Variants in RIN3 observed in about 807,000 individuals in gnomAD.
The protein encoded by RIN3 is RAB5 interacting protein 3.
RIN3 carries 54 observed loss-of-function variants against 76.3 expected under a neutral mutation model. That is an observed-to-expected ratio of 0.71 (90% confidence interval 0.57 to 0.89). The LOEUF is 0.89. Ranked by LOEUF, RIN3 falls within the 40% of genes least tolerant of loss-of-function variation. The probability of loss-of-function intolerance (pLI) is 0.00; values close to 1 mark genes in which losing one functional copy is unlikely to be tolerated. For missense variants in RIN3, 1,256 were observed against 1,322.1 expected (o/e 0.95, Z 0.78); for synonymous variants, 576 against 564.0 (o/e 1.02, Z -0.30).
intron 7 of RIN3, among the ~76,000 whole-genome samples, chr14:92,672,650 A>ATG (rs1214989460): frequency 1.4e-5 from 2 of 145,798 alleles, no homozygotes; most frequent in Middle Eastern, 6.9e-3. Flanking sequence ...TTATATATAT[A>ATG]TGTGTGTGCA....
Position 92,513,993 on chromosome 14 carries a change from GC to G in RIN3, c.44+22del. 2 of 1,232,196 alleles carry G rather than the reference GC, an allele frequency of 1.6e-6. No individual in the cohort carries two copies. The highest frequency in any genetic ancestry group is 3.8e-5 in the South Asian group (1 of 26,136). The allele number at this position is 1,232,196 out of a possible 1,614,324, so 76.3% of individuals were successfully genotyped here. A position where few individuals can be genotyped will look rare whatever the true frequency, so the allele number is the denominator to read the frequency against. The stretch of plus-strand genomic sequence containing the variant: ...CCCCACGGGGTAAGTCCGGGCGGCC[GC>G]CCCCTCCTCCCTCGCGATCCCCACG... On this transcript the variant is annotated intron_variant, in intron 1 of 9. Coordinates refer to ENST00000216487, the MANE Select transcript of RIN3 (RefSeq NM_024832.5).
At chr14:92,612,493 C>A (rs1885780243) in intron 3 of RIN3, among the ~76,000 whole-genome samples, 1 of 152,206 alleles carries the variant, frequency 6.6e-6, no homozygotes, top group Non-Finnish European at 1.5e-5. Context: ...AAGACCCTGT[C>A]CGTGATGCCC....
In RIN3 at chr14:92,648,351, C is replaced by T. The variant is rs1041976227; in HGVS notation, c.533-3231C>T. ...TGTCTGCTCTGTTCCTGCCAAAATC[C>T]ACACCTGAGCAATGGGAAATGTTGT... On this transcript the variant is annotated intron_variant, in intron 5 of 9. Coordinates refer to ENST00000216487, the MANE Select transcript of RIN3 (RefSeq NM_024832.5). The surrounding 1 kb of genome is among the most constrained non-coding windows in gnomAD (Gnocchi z 4.1). Among the ~76,000 whole-genome samples the T allele has an allele frequency of 6.6e-6, 1 of 152,228 alleles. No individual in the cohort carries two copies. Among genetic ancestry groups the T allele is most frequent in the Non-Finnish European group, 1.5e-5 (1 of 68,040 alleles).
At chr14:92,675,371 A>C (rs1888424338) in intron 7 of RIN3, among the ~76,000 whole-genome samples, 1 of 152,198 alleles carries the variant, frequency 6.6e-6, no homozygotes, top group Non-Finnish European at 1.5e-5. Flanking sequence ...TAAACATGTC[A>C]AGTAGAAACA....
Position 92,592,686 on chromosome 14 carries a change from A to G in RIN3, c.367+15209A>G, listed in dbSNP as rs866041233. ...TATTATTATTATTATTATTATTATT[A>G]TTATTGTGAGACAGAGTCTTACTCT... On this transcript the variant is annotated intron_variant, in intron 3 of 9. Coordinates refer to ENST00000216487, the MANE Select transcript of RIN3 (RefSeq NM_024832.5). Among the ~76,000 whole-genome samples the G allele has an allele frequency of 3.9e-4, 45 of 114,694 alleles. No individual in the cohort carries two copies. In the Admixed American group the frequency reaches 4.2e-3, roughly 11 times the overall value. The allele number at this position is 114,694 out of a possible 152,430, so 75.2% of individuals were successfully genotyped here. A position where few individuals can be genotyped will look rare whatever the true frequency, so the allele number is the denominator to read the frequency against.
At chr14:92,529,824 A>G (rs1896837383) in intron 1 of RIN3, among the ~76,000 whole-genome samples, 1 of 152,220 alleles carries the variant, frequency 6.6e-6, no homozygotes, top group Non-Finnish European at 1.5e-5. Flanking sequence ...TGTGCCTTAC[A>G]GAGAAAATAT....
intron 2 of RIN3, among the ~76,000 whole-genome samples, chr14:92,563,572 A>G (rs892712464): frequency 6.6e-6 from 1 of 152,156 alleles, no homozygotes; most frequent in African/African-American, 2.4e-5. Context: ...CCTGAGTCAT[A>G]TGGCTACCAA....
Position 92,577,479 on chromosome 14 carries a change from T to TTTTC in RIN3, c.367+2_367+3insTTTC, listed in dbSNP as rs1407617638. 1.3e-6 allele frequency: 2 copies of TTTTC among 1,587,854 alleles called. No individual in the cohort carries two copies. The highest frequency in any genetic ancestry group is 2.2e-5 in the South Asian group (2 of 90,382). On this transcript the variant is annotated splice_region_variant and intron_variant, in intron 3 of 9. Coordinates refer to ENST00000216487, the MANE Select transcript of RIN3 (RefSeq NM_024832.5). ...ACACCATTAAGGAAGAAAAGTCGAG[T>TTTTC]AAGTACCCATCTTCTCTGTTTTCAC...
chr14:92,563,630 TA>T (rs143122668), intron 2 of RIN3, among the ~76,000 whole-genome samples: 2 of 151,624 alleles, frequency 1.3e-5, no homozygotes. Flanking sequence ...CCAAAAGCTT[TA>T]AAAAAAACAG....
At position 92,652,959 on chromosome 14, in the gene RIN3, G is replaced by A; in HGVS notation, c.1910G>A (p.Ser637Asn). The change falls in exon 6 of 10, where the codon AGC becomes AAC. Residue 637 changes from serine (S) to asparagine (N), a missense_variant. Coordinates refer to ENST00000216487, the MANE Select transcript of RIN3 (RefSeq NM_024832.5). This position sits in a 1 kb window ranked among gnomAD's most constrained non-coding sequence, Gnocchi z 6.4. ...GAGATGATGGCGCGCCAGACCTCCA[G>A]CACGGAGATGCTGCAGGAGATTCGC... ...SLEMMARQTS[S>N]TEMLQEIRTM... is the part of the protein sequence containing the mutation. 1 of 1,613,744 alleles carries A rather than the reference G, an allele frequency of 6.2e-7. No individual in the cohort carries two copies.
At chr14:92,622,270 G>T (rs1320348176) in intron 4 of RIN3, among the ~76,000 whole-genome samples, 5 of 152,146 alleles carry the variant, frequency 3.3e-5, no homozygotes, top group African/African-American at 9.7e-5. Flanking sequence ...CCTCCTGTGG[G>T]CTCCAATCTT....
At position 92,652,674 on chromosome 14, in the gene RIN3, T is replaced by A. The variant is rs765236347; in HGVS notation, c.1625T>A (p.Val542Asp). The change falls in exon 6 of 10, where the codon GTC becomes GAC. Residue 542 changes from valine (V) to aspartate (D), a missense_variant. Transcript: ENST00000216487. The surrounding 1 kb of genome is among the most constrained non-coding windows in gnomAD (Gnocchi z 6.4). ...ASLSDSLGVS[V>D]MATDQDSYST... ...CTCTCAGACAGCTTGGGGGTGTCTGTCATGGCCACCGACCAGGACTCCTAC... is the reference window on the plus strand; with the variant it reads ...CTCTCAGACAGCTTGGGGGTGTCTGACATGGCCACCGACCAGGACTCCTAC... 4.3e-6 allele frequency: 7 copies of A among 1,612,612 alleles called. No individual in the cohort carries two copies. The African/African-American group carries it at 9.4e-5, about 22-fold the overall frequency.
At chr14:92,529,825 G>A (rs947227564) in intron 1 of RIN3, among the ~76,000 whole-genome samples, 1 of 152,224 alleles carries the variant, frequency 6.6e-6, no homozygotes, top group African/African-American at 2.4e-5. Context: ...GTGCCTTACA[G>A]AGAAAATATG....
intron 7 of RIN3, among the ~76,000 whole-genome samples, chr14:92,675,136 A>G (rs1439040719): frequency 6.6e-6 from 1 of 152,212 alleles, no homozygotes; most frequent in Non-Finnish European, 1.5e-5. Flanking sequence ...CTTCATGGAC[A>G]GTGAGAATGT....
At chr14:92,575,399 G>A (rs1383670442) in intron 2 of RIN3, among the ~76,000 whole-genome samples, 1 of 152,166 alleles carries the variant, frequency 6.6e-6, no homozygotes, top group Non-Finnish European at 1.5e-5. Flanking sequence ...AGAATAAGGT[G>A]AAAGCAAGTT....
At position 92,594,403 on chromosome 14, in the gene RIN3, G is replaced by T. The variant is rs577793809; in HGVS notation, c.367+16926G>T. On this transcript the variant is annotated intron_variant, in intron 3 of 9. Transcript: ENST00000216487. The stretch of plus-strand genomic sequence containing the variant: ...GCCAAGATCATGCCATTGCACTCCA[G>T]CCTGGGCAACAAGAGCGAAACTCTG... Among the ~76,000 whole-genome samples, 5 of 147,520 alleles carry T rather than the reference G, an allele frequency of 3.4e-5. No individual in the cohort carries two copies. In the South Asian group the frequency reaches 1.1e-3, roughly 32 times the overall value.
chr14:92,638,237 A>G (rs1395621701), intron 4 of RIN3, among the ~76,000 whole-genome samples: 1 of 152,180 alleles, frequency 6.6e-6, no homozygotes. Flanking sequence ...GCTGGGGATG[A>G]GGGGCTATTC....
At position 92,656,630 on chromosome 14, in the gene RIN3, T is replaced by C. The variant is rs1423708575; in HGVS notation, c.2027-2531T>C. Reference sequence around the variant, plus strand: ...TTGGAGTTTGTCCTGGCAGGTGATATGGCAAAGTGTCACCAGAGCCTGCCG... The same window carrying C: ...TTGGAGTTTGTCCTGGCAGGTGATACGGCAAAGTGTCACCAGAGCCTGCCG... On this transcript the variant is annotated intron_variant, in intron 6 of 9. Coordinates refer to ENST00000216487, the MANE Select transcript of RIN3 (RefSeq NM_024832.5). The surrounding 1 kb of genome is among the most constrained non-coding windows in gnomAD (Gnocchi z 5.2). 6.6e-6 allele frequency among the ~76,000 whole-genome samples: 1 copy of C among 152,158 alleles called. No homozygotes were observed. The highest frequency in any genetic ancestry group is 2.4e-5 in the African/African-American group (1 of 41,422).
At chr14:92,536,894 AAATTGGT>A (rs1245024099) in intron 1 of RIN3, among the ~76,000 whole-genome samples, 1 of 152,148 alleles carries the variant, frequency 6.6e-6, no homozygotes, top group African/African-American at 2.4e-5. Context: ...TTAAAGGATT[AAATTGGT>A]TCATGTATGT....
Sources: gnomAD v4.1 joint callset for allele counts (sites outside exome capture counted in the v4.1 genomes callset) on GRCh38, gnomAD v4.1.1 for gene constraint, Gnocchi (gnomAD v3.1) non-coding constraint, MANE v1.5 for transcripts, NCBI Gene and HGNC (gene_info 2026-07-23, HGNC 2026-07-21) for gene names.